Variants in AGT observed in about 807,000 individuals in gnomAD.
AGT encodes alpha-1 antiproteinase, antitrypsin.
AGT carries 26 observed loss-of-function variants against 28.1 expected under a neutral mutation model. That is an observed-to-expected ratio of 0.92 (90% CI 0.68 to 1.28). AGT has a LOEUF of 1.28. AGT is among the 50% of genes most tolerant of loss of function. The pLI is 0.00. For missense variants in AGT, 596 were observed against 592.3 expected, an observed-to-expected ratio of 1.01 and a Z score of -0.06; for synonymous variants, 259 against 259.6, an observed-to-expected ratio of 1.00 and a Z score of 0.02.
chr1:230,720,989 A>T (rs750237610), intron 1 of AGT, among the ~76,000 whole-genome samples: 1 of 152,200 alleles, frequency 6.6e-6, no homozygotes, highest in Non-Finnish European at 1.5e-5. Context: ...GACCTGGCCC[A>T]GGGGGGCCGA....
chr1:230,718,722 C>CTCTTTTTT (rs1663787831), upstream of AGT, among the ~76,000 whole-genome samples: 4 of 118,496 alleles, frequency 3.4e-5, no homozygotes, highest in Admixed American at 1.9e-4. Flanking sequence ...TTCCACACCG[C>CTCTTTTTT]TTTTTTTTTT....
chr1:230,723,607 T>C (rs1340443582), intron 1 of AGT, among the ~76,000 whole-genome samples: 1 of 152,218 alleles, frequency 6.6e-6, no homozygotes, highest in African/African-American at 2.4e-5. Context: ...AAGCCATGAC[T>C]GAATACCAAA....
Position 230,710,570 on chromosome 1 carries a change from T to G in AGT, c.254A>C (p.Lys85Thr). 1 of 1,614,188 alleles carries G rather than the reference T, an allele frequency of 6.2e-7. No individual in the cohort carries two copies. Among genetic ancestry groups the G allele is most frequent in the Non-Finnish European group, 8.5e-7 (1 of 1,180,040 alleles). ...LQDQLVLVAA[K>T]LDTEDKLRAA... is the part of the protein sequence containing the mutation. ...CCTCAACTTGTCTTCGGTGTCAAGT[T>G]TTGCAGCGACTAGCACCAGCTGGTC... Residue 85 changes from lysine (K) to threonine (T), a missense_variant, in exon 2 of 5, where the codon AAA becomes ACA. Transcript: ENST00000366667.
Position 230,710,611 on chromosome 1 carries a change from A to C in AGT, c.213T>G (p.Asp71Glu). ...APIQAKTSPV[D>E]EKALQDQLVL... ...CCAGCTGGTCCTGTAGGGCCTTTTC[A>C]TCCACAGGGGATGTCTTGGCCTGAA... Residue 71 changes from aspartate (D) to glutamate (E), a missense_variant, in exon 2 of 5, where the codon GAT becomes GAG. By Grantham distance (45) the Asp-to-Glu change is conservative (BLOSUM62 2). Transcript: ENST00000366667. 6.2e-7 allele frequency: 1 copy of C among 1,614,242 alleles called. No homozygotes were observed.
At chr1:230,703,435 G>A in intron 4 of AGT, 106 bp from the exon 5 acceptor site, 1 of 1,180,520 alleles carries the variant, frequency 8.5e-7, no homozygotes, top group Non-Finnish European at 1.2e-6. Flanking sequence ...GCTGTGCACT[G>A]TCCTGGAGGG....
In AGT at chr1:230,708,579, C is replaced by T. The variant is rs1663464631; in HGVS notation, c.829+1416G>A. On this transcript the variant is annotated intron_variant, in intron 2 of 4. Transcript: ENST00000366667. ...AGGAGGTTGTTGTGGTAAGAAAAAT[C>T]ACTATGCGCCACTGAACCTCTTTCT... Among the ~76,000 whole-genome samples the T allele has an allele frequency of 2.0e-5, 3 of 152,104 alleles. No individual in the cohort carries two copies. In the South Asian group the frequency reaches 6.2e-4, roughly 32 times the overall value.
At chr1:230,712,718 T>C (rs533936046) in intron 1 of AGT, among the ~76,000 whole-genome samples, 1 of 152,342 alleles carries the variant, frequency 6.6e-6, no homozygotes, top group Admixed American at 6.5e-5. Flanking sequence ...CCATGGGCCA[T>C]TTTTGAGGCA....
chr1:230,727,591 C>T (rs1480496175), intron 1 of AGT, among the ~76,000 whole-genome samples: 1 of 152,148 alleles, frequency 6.6e-6, no homozygotes, highest in Non-Finnish European at 1.5e-5. Context: ...ATACAGCCTC[C>T]AGAAGAAATC....
intron 1 of AGT, among the ~76,000 whole-genome samples, chr1:230,729,947 G>A (rs1000980841): frequency 5.3e-5 from 8 of 151,926 alleles, no homozygotes; most frequent in African/African-American, 1.9e-4. Flanking sequence ...GGATCACGAG[G>A]TCAGGAGATC....
intron 2 of AGT, among the ~76,000 whole-genome samples, chr1:230,708,163 A>C (rs1393250418): frequency 6.6e-6 from 1 of 152,190 alleles, no homozygotes; most frequent in East Asian, 1.9e-4. Context: ...GGGTCAGGGC[A>C]GCATGCGGTG....
Position 230,742,287 on chromosome 1 carries a change from C to T in AGT, c.-31+3228G>A, listed in dbSNP as rs150612855. ...CTTTCTCCACAAATGCTGGCATACT[C>T]TACATGCCATTCTGCACTTTGAATT... On this transcript the variant is annotated intron_variant, in intron 1 of 4. Coordinates refer to the AGT transcript ENST00000681269. 5.3e-5 allele frequency among the ~76,000 whole-genome samples: 8 copies of T among 152,264 alleles called. No individual in the cohort carries two copies. In the East Asian group the frequency reaches 1.5e-3, roughly 29 times the overall value.
chr1:230,726,666 G>A (rs1663948975), intron 1 of AGT, among the ~76,000 whole-genome samples: 1 of 152,098 alleles, frequency 6.6e-6, no homozygotes, highest in African/African-American at 2.4e-5. Flanking sequence ...GGAGTCTAAT[G>A]GGTGAATGAA....
Position 230,710,505 on chromosome 1 carries a change from G to T in AGT, c.319C>A (p.Arg107Ser). The change falls in exon 2 of 5, where the codon CGT (arginine) becomes AGT (serine). Residue 107 changes from arginine to serine, a missense_variant. By Grantham distance (110) the Arg-to-Ser change is moderately radical (BLOSUM62 -1). Transcript: ENST00000366667. ...VGMLANFLGF[R>S]IYGMHSELWG... ...AGCTCACTGTGCATGCCATATATAC[G>T]GAAGCCCAAGAAGTTGGCCAGCATC... is the stretch of plus-strand genomic sequence containing the variant. The T allele has an allele frequency of 6.2e-7, 1 of 1,614,188 alleles. No homozygotes were observed. Among genetic ancestry groups the T allele is most frequent in the Non-Finnish European group, 8.5e-7 (1 of 1,180,032 alleles).
chr1:230,741,633 C>G (rs1664250174), intron 1 of AGT, among the ~76,000 whole-genome samples: 1 of 152,182 alleles, frequency 6.6e-6, no homozygotes, highest in South Asian at 2.1e-4. Flanking sequence ...CAGGGATGGA[C>G]AAGTCCCTGG....
intron 1 of AGT, among the ~76,000 whole-genome samples, chr1:230,713,679 G>A (rs1663659085): frequency 6.6e-6 from 1 of 152,122 alleles, no homozygotes. Flanking sequence ...TGACCACTCT[G>A]GGGATCCCAG....
chr1:230,734,405 A>C (rs952694922), intron 1 of AGT, among the ~76,000 whole-genome samples: 1 of 151,954 alleles, frequency 6.6e-6, no homozygotes, highest in African/African-American at 2.4e-5. Flanking sequence ...GAATGGGGAG[A>C]TTTTGCTTAA....
intron 1 of AGT, among the ~76,000 whole-genome samples, chr1:230,741,542 G>A (rs538617043): frequency 1.3e-5 from 2 of 152,310 alleles, no homozygotes. Context: ...GCCTGAGCAC[G>A]GCTCATTCCC....
intron 1 of AGT, among the ~76,000 whole-genome samples, chr1:230,743,218 T>A (rs951548112): frequency 1.1e-4 from 17 of 152,302 alleles, no homozygotes; most frequent in African/African-American, 4.1e-4. Flanking sequence ...CTTGAACTCC[T>A]GACTTCAGGT....
rs769499544 is a variant in AGT at position 230,710,003 on chromosome 1, T to A, written c.821A>T (p.His274Leu). 1 of 1,614,154 alleles carries A rather than the reference T, an allele frequency of 6.2e-7. No individual in the cohort carries two copies. The highest frequency in any genetic ancestry group is 1.1e-5 in the South Asian group (1 of 91,082). The part of the protein sequence containing the change: ...DSTLAFNTYV[H>L]FQGKMKGFSL... ...AGAGAGGTTTGCCTTACCTTGGAAG[T>A]GGACGTAGGTGTTGAAAGCCAGGGT... is the stretch of plus-strand genomic sequence containing the variant. The change falls in exon 2 of 5, where the codon CAC (histidine) becomes CTC (leucine). Residue 274 changes from histidine (H) to leucine (L), a missense_variant. His to Leu is a moderately conservative substitution (Grantham distance 99, BLOSUM62 -3). Coordinates refer to ENST00000366667, the MANE Select transcript of AGT (RefSeq NM_001384479.1).
Sources: gnomAD v4.1 joint callset for allele counts (sites outside exome capture counted in the v4.1 genomes callset) on GRCh38, gnomAD v4.1.1 for gene constraint, MANE v1.5 for transcripts, NCBI Gene and HGNC (gene_info 2026-07-23, HGNC 2026-07-21) for gene names.